Variants in DDX4 observed in about 807,000 individuals in gnomAD.
DDX4 encodes probable ATP-dependent RNA helicase DDX4.
A neutral mutation model predicts 100.0 loss-of-function variants in DDX4; 25 were observed. The ratio of observed to expected loss-of-function variants is 0.25; its 90% CI spans 0.18 to 0.35. The LOEUF (loss-of-function observed/expected upper bound fraction) is 0.35, where lower values mean the gene tolerates loss of function less well. DDX4 is among the 10% of genes least tolerant of loss of function. The pLI, the probability that DDX4 is intolerant of heterozygous loss-of-function variation, is 1.00. For synonymous variants in DDX4, 259 were observed against 275.7 expected (o/e 0.94, Z 0.60); for missense variants, 635 against 882.4 (o/e 0.72, Z 3.55).
intron 18 of DDX4, among the ~76,000 whole-genome samples, chr5:55,811,053 T>G (rs562695956): frequency 6.6e-6 from 1 of 150,934 alleles, no homozygotes; most frequent in Non-Finnish European, 1.5e-5. Context: ...CCTAATAAAG[T>G]CAACAGAATC....
At chr5:55,765,545 T>C (rs530750051) in intron 6 of DDX4, among the ~76,000 whole-genome samples, 2 of 151,570 alleles carry the variant, frequency 1.3e-5, no homozygotes, top group South Asian at 4.2e-4. Context: ...TAAATTTTTT[T>C]CCCCTGTCAT....
chr5:55,803,693 A>G (rs1220389832), intron 18 of DDX4, among the ~76,000 whole-genome samples: 1 of 152,030 alleles, frequency 6.6e-6, no homozygotes, highest in Non-Finnish European at 1.5e-5. Flanking sequence ...TCCATGGTGT[A>G]TATGTGCCAC....
chr5:55,765,407 A>T (rs1473494116), intron 6 of DDX4, among the ~76,000 whole-genome samples: 17 of 92,942 alleles, frequency 1.8e-4, no homozygotes, highest in African/African-American at 5.1e-4. Context: ...AAAAAAAAAA[A>T]AAAAAAATAT....
At chr5:55,760,338 T>G in intron 4 of DDX4, 61 bp downstream of exon 4, 1 of 1,467,534 alleles carries the variant, frequency 6.8e-7, no homozygotes, top group Middle Eastern at 1.8e-4. Flanking sequence ...ATATAGAGGC[T>G]TTCATGGCCA....
chr5:55,758,058 C>CA (rs753316106), intron 3 of DDX4, among the ~76,000 whole-genome samples: 2 of 152,072 alleles, frequency 1.3e-5, no homozygotes, highest in Admixed American at 1.3e-4. Context: ...CAAGACAAAA[C>CA]AAAAAAATTC....
At chr5:55,787,801 A>T in intron 14 of DDX4, 45 bp from the exon 15 acceptor site, 1 of 1,591,398 alleles carries the variant, frequency 6.3e-7, no homozygotes, top group Non-Finnish European at 8.5e-7. Context: ...ATAGGGATAA[A>T]AGTGTTGTGC....
chr5:55,792,123 C>CAA (rs35635463), intron 16 of DDX4, among the ~76,000 whole-genome samples: 481 of 51,088 alleles, frequency 9.4e-3, no homozygotes, highest in Non-Finnish European at 0.012. Flanking sequence ...GACTCCTTCT[C>CAA]AAAAAAAAAA....
At chr5:55,799,609 C>T (rs1205207250) in intron 18 of DDX4, among the ~76,000 whole-genome samples, 1 of 152,090 alleles carries the variant, frequency 6.6e-6, no homozygotes, top group Non-Finnish European at 1.5e-5. Flanking sequence ...CTCCTGGGCT[C>T]GAGTGATCCA....
Position 55,808,781 on chromosome 5 carries a change from G to A in DDX4, c.1616-4892G>A, listed in dbSNP as rs555099520. Reference sequence around the variant, plus strand: ...GGGGGTCAGGGACCCGCTTGAGGAGGCAGTCTGTCCCTTCTCAGATGTCTG... The same window carrying A: ...GGGGGTCAGGGACCCGCTTGAGGAGACAGTCTGTCCCTTCTCAGATGTCTG... On this transcript the variant is annotated intron_variant, in intron 18 of 21. Coordinates refer to ENST00000505374, the MANE Select transcript of DDX4 (RefSeq NM_024415.3). Among the ~76,000 whole-genome samples the A allele has an allele frequency of 3.3e-5, 5 of 152,348 alleles. No individual in the cohort carries two copies. In the East Asian group the frequency reaches 5.8e-4, roughly 18 times the overall value.
At chr5:55,753,538 T>A (rs1759713968) in intron 3 of DDX4, among the ~76,000 whole-genome samples, 1 of 152,170 alleles carries the variant, frequency 6.6e-6, no homozygotes, top group Admixed American at 6.5e-5. Context: ...TATATCTCTG[T>A]TTTGGTACCA....
At chr5:55,808,496 G>C (rs937214848) in intron 18 of DDX4, among the ~76,000 whole-genome samples, 3 of 152,146 alleles carry the variant, frequency 2.0e-5, no homozygotes, top group Non-Finnish European at 4.4e-5. Flanking sequence ...TGGGGTTTTG[G>C]TGTGGATGTC....
intron 3 of DDX4, among the ~76,000 whole-genome samples, chr5:55,751,001 G>A (rs1347611196): frequency 2.0e-5 from 3 of 152,130 alleles, no homozygotes; most frequent in African/African-American, 7.2e-5. Flanking sequence ...ATGGGCCAGA[G>A]TGAGAATTAC....
At chr5:55,756,145 G>A (rs147072827) in intron 3 of DDX4, among the ~76,000 whole-genome samples, 1 of 152,194 alleles carries the variant, frequency 6.6e-6, no homozygotes, top group African/African-American at 2.4e-5. Flanking sequence ...TGCCTGTTAT[G>A]AGTGGTTCTC....
chr5:55,810,548 A>G (rs891061350), intron 18 of DDX4, among the ~76,000 whole-genome samples: 17 of 152,226 alleles, frequency 1.1e-4, no homozygotes, highest in Admixed American at 3.9e-4. Flanking sequence ...GGGATTTTGG[A>G]TTTTCAAATT....
chr5:55,794,183 C>CTT lies in DDX4; in HGVS notation c.1469+1390_1469+1391dup, dbSNP rs70995739. On this transcript the variant is annotated intron_variant, in intron 17 of 21. Coordinates refer to ENST00000505374, the MANE Select transcript of DDX4 (RefSeq NM_024415.3). Reference sequence around the variant, plus strand: ...TTAACAATTGAATAGTATTTTCTTTCTTTTTTTTTTTTTTTGTGATGAAGT... The same window carrying CTT: ...TTAACAATTGAATAGTATTTTCTTTCTTTTTTTTTTTTTTTTTGTGATGAAGT... 5.6e-3 allele frequency among the ~76,000 whole-genome samples: 760 copies of CTT among 136,188 alleles called. 9 individuals are homozygous for CTT. The highest frequency in any genetic ancestry group is 8.2e-3 in the Non-Finnish European group (517 of 63,084). The allele number at this position is 136,188 out of a possible 152,430, so 89.3% of individuals were successfully genotyped here.
At chr5:55,805,949 G>C (rs1393452059) in intron 18 of DDX4, among the ~76,000 whole-genome samples, 2 of 152,052 alleles carry the variant, frequency 1.3e-5, no homozygotes, top group Non-Finnish European at 2.9e-5. Flanking sequence ...GAATCCATCT[G>C]GTCCTGGACT....
chr5:55,738,720 A>G (rs1758825529), intron 1 of DDX4, among the ~76,000 whole-genome samples: 1 of 152,216 alleles, frequency 6.6e-6, no homozygotes, highest in Non-Finnish European at 1.5e-5. Flanking sequence ...GGCGATTGCT[A>G]GAATGACTAG....
chr5:55,758,868 T>TAA lies in DDX4; in HGVS notation c.128-1303_128-1302dup, dbSNP rs35392036. 2.3e-3 allele frequency among the ~76,000 whole-genome samples: 160 copies of TAA among 70,304 alleles called. 2 individuals are homozygous for TAA. Among genetic ancestry groups the TAA allele is most frequent in the Non-Finnish European group, 3.2e-3 (115 of 35,510 alleles). 46.1% of individuals were successfully genotyped at this position (70,304 alleles called of 152,430 possible). On this transcript the variant is annotated intron_variant, in intron 3 of 21. Transcript: ENST00000505374. ...AGCTGCTGTATTACGTTTGTTTCCT[T>TAA]AAAAAAAAAAAAAAAAAAAAAAAAA...
At chr5:55,743,336 C>T (rs1200833292) in intron 2 of DDX4, among the ~76,000 whole-genome samples, 2 of 152,154 alleles carry the variant, frequency 1.3e-5, no homozygotes, top group Non-Finnish European at 2.9e-5. Flanking sequence ...TATAAGGACA[C>T]TTGTGATGGC....
Sources: allele counts gnomAD v4.1 joint callset (sites outside exome capture counted in the v4.1 genomes callset), GRCh38; gene constraint gnomAD v4.1.1; transcripts MANE v1.5; gene names NCBI Gene and HGNC (gene_info 2026-07-23, HGNC 2026-07-21).